The following PCDHGA3 variants were observed in gnomAD, a reference collection of about 807,000 sequenced individuals.
PCDHGA3 encodes protocadherin gamma-A3.
PCDHGA3 carries 40 observed loss-of-function variants against 58.5 expected under a neutral mutation model. The ratio of observed to expected loss-of-function variants is 0.68; its 90% confidence interval spans 0.53 to 0.89. PCDHGA3 has a LOEUF of 0.89. Among genes scored for constraint, PCDHGA3 ranks in the 40% least tolerant of loss-of-function variants. The probability of loss-of-function intolerance (pLI) is 0.00; values close to 1 mark genes in which losing one functional copy is unlikely to be tolerated. For synonymous variants in PCDHGA3, 530 were observed against 525.7 expected (o/e 1.01, Z -0.11); for missense variants, 1,223 against 1,195.9 (o/e 1.02, Z -0.33).
At position 141,485,561 on chromosome 5, in the gene PCDHGA3, GCCC is replaced by G; in HGVS notation, c.2425-9242_2425-9240del. ...AGAGATCGTAGATGTGAATGATCAC[GCCC>G]CCCGTTTTCCGCGGCAGCAGCTGGA... On this transcript the variant is annotated intron_variant, in intron 1 of 3. Transcript: ENST00000253812. This position sits in a 1 kb window ranked among gnomAD's most constrained non-coding sequence, Gnocchi z 5.7. 1 of 1,613,008 alleles carries G rather than the reference GCCC, an allele frequency of 6.2e-7. No homozygotes were observed.
At position 141,491,679 on chromosome 5, in the gene PCDHGA3, T is replaced by C. The variant is rs111288145; in HGVS notation, c.2425-3128T>C. On this transcript the variant is annotated intron_variant, in intron 1 of 3. Coordinates refer to ENST00000253812, the MANE Select transcript of PCDHGA3 (RefSeq NM_018916.4). This position sits in a 1 kb window ranked among gnomAD's most constrained non-coding sequence, Gnocchi z 6.9. ...CTGACGCCATCCGGTCCCGCTCTAA[T>C]ACGCTGCGGGAGCGGAGCCAGGTGA... is the stretch of plus-strand genomic sequence containing the variant. 21 of 1,613,378 alleles carry C rather than the reference T, an allele frequency of 1.3e-5. No homozygotes were observed. Among genetic ancestry groups the C allele is most frequent in the Middle Eastern group, 1.6e-4 (1 of 6,078 alleles).
At chr5:141,419,174 A>G (rs1283454889) in intron 1 of PCDHGA3, 1 of 1,613,840 alleles carries the variant, frequency 6.2e-7, no homozygotes, top group East Asian at 2.2e-5. Flanking sequence ...CAAAACCATA[A>G]CCCTGCACAT....
At position 141,372,451 on chromosome 5, in the gene PCDHGA3, C is replaced by G. The variant is rs749000608; in HGVS notation, c.2424+25994C>G. 8 of 1,614,042 alleles carry G rather than the reference C, an allele frequency of 5.0e-6. No individual in the cohort carries two copies. In the East Asian group the frequency reaches 1.6e-4, roughly 31 times the overall value. On this transcript the variant is annotated intron_variant, in intron 1 of 3. Coordinates refer to ENST00000253812, the MANE Select transcript of PCDHGA3 (RefSeq NM_018916.4). The stretch of plus-strand genomic sequence containing the variant: ...CGCCCCACTCCCTCTGACCCTCAGG[C>G]GGAGCTACAGTTTCACCTAGTAGTG...
At chr5:141,407,615 A>T (rs780052436) in intron 1 of PCDHGA3, among the ~76,000 whole-genome samples, 2 of 152,140 alleles carry the variant, frequency 1.3e-5, no homozygotes, top group Non-Finnish European at 2.9e-5. Context: ...GCATTGGTTG[A>T]CATTCTATAT....
chr5:141,391,359 C>T (rs2092363338), intron 1 of PCDHGA3: 1 of 149,724 alleles, frequency 6.7e-6, no homozygotes, highest in African/African-American at 2.5e-5. Flanking sequence ...GTTACTCAGG[C>T]TGTAGTGCAG....
At chr5:141,349,516 CT>C (rs1326171380) in intron 1 of PCDHGA3, among the ~76,000 whole-genome samples, 2 of 152,122 alleles carry the variant, frequency 1.3e-5, no homozygotes, top group African/African-American at 2.4e-5. Context: ...TCCTACTTAA[CT>C]GGAAAGATTA....
intron 1 of PCDHGA3, among the ~76,000 whole-genome samples, chr5:141,362,918 A>G (rs1159193332): frequency 6.6e-6 from 1 of 152,244 alleles, no homozygotes; most frequent in African/African-American, 2.4e-5. Context: ...AATACTTCAG[A>G]GTAAAGAGAG....
chr5:141,405,407 C>G, intron 1 of PCDHGA3: 2 of 1,582,052 alleles, frequency 1.3e-6, no homozygotes, highest in Non-Finnish European at 1.7e-6. Flanking sequence ...TCTTTCTTTT[C>G]TTTTTTTGTT....
rs370127569 is a variant in PCDHGA3 at position 141,422,859 on chromosome 5, C to T, written c.2425-71948C>T. 1.4e-5 allele frequency: 22 copies of T among 1,614,148 alleles called. No homozygotes were observed. In the African/African-American group the frequency reaches 2.5e-4, roughly 19 times the overall value. ...GTGACAGCGGGGACCCGCCCCTCAG[C>T]AGCAACGTGTCGCTGAGCCTGTTCG... On this transcript the variant is annotated intron_variant, in intron 1 of 3. Transcript: ENST00000253812.
At chr5:141,382,896 G>C (rs754850386) in intron 1 of PCDHGA3, 13 of 1,537,678 alleles carry the variant, frequency 8.5e-6, no homozygotes, top group Non-Finnish European at 1.1e-5. Context: ...GAAGCAGGAC[G>C]ACTATGGCGG....
At chr5:141,428,188 G>C (rs1023078587) in intron 1 of PCDHGA3, 1 of 1,433,232 alleles carries the variant, frequency 7.0e-7, no homozygotes, top group African/African-American at 1.4e-5. Flanking sequence ...GACAGCCGCC[G>C]CTCTCTGCGC....
Position 141,477,388 on chromosome 5 carries a change from C to T in PCDHGA3, c.2425-17419C>T. The T allele has an allele frequency of 6.2e-7, 1 of 1,614,136 alleles. No homozygotes were observed. The highest frequency in any genetic ancestry group is 8.5e-7 in the Non-Finnish European group (1 of 1,180,014). On this transcript the variant is annotated intron_variant, in intron 1 of 3. Transcript: ENST00000253812. The surrounding 1 kb of genome is among the most constrained non-coding windows in gnomAD (Gnocchi z 4.9). Reference sequence around the variant, plus strand: ...ATCGGGAGACTGTGCCAGAATACAACCTCAGCATCACCGCCCGAGACGCCG... The same window carrying T: ...ATCGGGAGACTGTGCCAGAATACAATCTCAGCATCACCGCCCGAGACGCCG...
At chr5:141,383,394 C>A in intron 1 of PCDHGA3, 2 of 1,614,036 alleles carry the variant, frequency 1.2e-6, no homozygotes, top group Non-Finnish European at 1.7e-6. Context: ...TGGGCACGAA[C>A]TCCCTCCAGA....
chr5:141,490,793 C>T lies in PCDHGA3; in HGVS notation c.2425-4014C>T, dbSNP rs2233608. 6 of 1,613,812 alleles carry T rather than the reference C, an allele frequency of 3.7e-6. No homozygotes were observed. The East Asian group carries it at 1.3e-4, about 36-fold the overall frequency. On this transcript the variant is annotated intron_variant, in intron 1 of 3. Transcript: ENST00000253812. This position sits in a 1 kb window ranked among gnomAD's most constrained non-coding sequence, Gnocchi z 5.4. Reference sequence around the variant, plus strand: ...AACCCAGAGGATGGACGGATCTTTGCCCAGCGTACCTTTGACTATGAATTG... The same window carrying T: ...AACCCAGAGGATGGACGGATCTTTGTCCAGCGTACCTTTGACTATGAATTG...
chr5:141,454,088 T>C (rs2154564493), intron 1 of PCDHGA3, among the ~76,000 whole-genome samples: 1 of 152,342 alleles, frequency 6.6e-6, no homozygotes. Context: ...CAGTGAAATT[T>C]GAATTGAACA....
chr5:141,348,895 C>A (rs1186372853), intron 1 of PCDHGA3, among the ~76,000 whole-genome samples: 1 of 152,116 alleles, frequency 6.6e-6, no homozygotes, highest in Non-Finnish European at 1.5e-5. Flanking sequence ...TTTGGTAATG[C>A]ATTTGAAATA....
chr5:141,371,664 G>A (rs1433896687), intron 1 of PCDHGA3: 2 of 1,613,906 alleles, frequency 1.2e-6, no homozygotes, highest in Non-Finnish European at 1.7e-6. Flanking sequence ...GACGATCACA[G>A]CTACCGACAA....
chr5:141,351,405 C>A, intron 1 of PCDHGA3: 1 of 1,611,372 alleles, frequency 6.2e-7, no homozygotes, highest in Non-Finnish European at 8.5e-7. Flanking sequence ...ACATGCTATA[C>A]TCAGGAAGAA....
chr5:141,483,099 C>T (rs10068400), intron 1 of PCDHGA3, among the ~76,000 whole-genome samples: 3,098 of 152,014 alleles, frequency 0.02, 87 homozygotes, highest in African/African-American at 0.065. Flanking sequence ...AAAAAGTGTG[C>T]GTGTAAAACA....
Sources: gnomAD v4.1 joint callset for allele counts (sites outside exome capture counted in the v4.1 genomes callset) on GRCh38, gnomAD v4.1.1 for gene constraint, Gnocchi (gnomAD v3.1) non-coding constraint, MANE v1.5 for transcripts, NCBI Gene and HGNC (gene_info 2026-07-23, HGNC 2026-07-21) for gene names.